SGCZ: variants seen among roughly 807,000 people sequenced by gnomAD.
The protein encoded by SGCZ is sarcoglycan zeta, also known as zeta-sarcoglycan.
A neutral mutation model predicts 41.3 loss-of-function variants in SGCZ; 40 were observed. The observed-to-expected ratio is 0.97, with a 90% CI of 0.75 to 1.26. The LOEUF (loss-of-function observed/expected upper bound fraction) is 1.26, where lower values mean the gene tolerates loss of function less well. SGCZ is among the 50% of genes most tolerant of loss of function. The probability of loss-of-function intolerance (pLI) is 0.00; values close to 1 mark genes in which losing one functional copy is unlikely to be tolerated. For synonymous variants in SGCZ, 206 were observed against 137.5 expected (o/e 1.50, Z -3.49); for missense variants, 552 against 369.8 (o/e 1.49, Z -4.04).
At chr8:14,370,690 A>C (rs1803878309) in intron 2 of SGCZ, among the ~76,000 whole-genome samples, 1 of 151,966 alleles carries the variant, frequency 6.6e-6, no homozygotes, top group Non-Finnish European at 1.5e-5. Flanking sequence ...GCTATTAAGC[A>C]TACTAGTTAC....
intron 2 of SGCZ, among the ~76,000 whole-genome samples, chr8:14,356,237 T>G (rs550807750): frequency 2.0e-5 from 3 of 152,298 alleles, no homozygotes; most frequent in Admixed American, 6.5e-5. Context: ...AAATGCATTT[T>G]TGACAATGAT....
intron 2 of SGCZ, among the ~76,000 whole-genome samples, chr8:14,499,479 T>G (rs1010144303): frequency 1.3e-5 from 2 of 152,036 alleles, no homozygotes; most frequent in African/African-American, 4.8e-5. Context: ...TTGCTGAAAC[T>G]TAACTGTTGC....
chr8:14,371,976 A>T (rs1713828586), intron 2 of SGCZ, among the ~76,000 whole-genome samples: 3 of 152,108 alleles, frequency 2.0e-5, no homozygotes, highest in Non-Finnish European at 4.4e-5. Context: ...TAGAGAAGAA[A>T]ACAAAAGCTA....
chr8:14,256,771 A>C (rs1174113616), intron 3 of SGCZ, among the ~76,000 whole-genome samples: 1 of 152,176 alleles, frequency 6.6e-6, no homozygotes, highest in Non-Finnish European at 1.5e-5. Flanking sequence ...TCCACAACAC[A>C]AAATCTGAGT....
In SGCZ at chr8:14,164,624, T is replaced by C. The variant is rs765638300; in HGVS notation, c.503A>G (p.Asp168Gly). 2 of 1,613,640 alleles carry C rather than the reference T, an allele frequency of 1.2e-6. No homozygotes were observed. Among genetic ancestry groups the C allele is most frequent in the African/African-American group, 1.3e-5 (1 of 75,024 alleles). ...SEDGRVLFSADEDEITIGAEK... is the reference protein window; with the variant it reads ...SEDGRVLFSAGEDEITIGAEK... ...AGCCCCAATGGTAATCTCATCTTCATCTGCAGAAAACAGCACCCTGCCATC... is the reference window on the plus strand; with the variant it reads ...AGCCCCAATGGTAATCTCATCTTCACCTGCAGAAAACAGCACCCTGCCATC... Residue 168 changes from aspartate (D) to glycine (G), a missense_variant, in exon 5 of 8, where the codon GAT becomes GGT. By Grantham distance (94) the Asp-to-Gly change is moderately conservative (BLOSUM62 -1). Transcript: ENST00000382080.
chr8:14,369,766 A>AT, intron 2 of SGCZ, among the ~76,000 whole-genome samples: 1 of 152,002 alleles, frequency 6.6e-6, no homozygotes, highest in East Asian at 1.9e-4. Flanking sequence ...TATAAATACA[A>AT]TTTTTTCCTC....
At chr8:14,250,021 C>G (rs1455689522) in intron 3 of SGCZ, among the ~76,000 whole-genome samples, 1 of 152,186 alleles carries the variant, frequency 6.6e-6, no homozygotes, top group Non-Finnish European at 1.5e-5. Context: ...AATGTACATA[C>G]AAATCATCTG....
At chr8:14,434,669 T>C (rs1052962865) in intron 2 of SGCZ, among the ~76,000 whole-genome samples, 3 of 152,180 alleles carry the variant, frequency 2.0e-5, no homozygotes, top group Non-Finnish European at 4.4e-5. Flanking sequence ...GTATTCCTTG[T>C]AGGGGTCTTT....
intron 4 of SGCZ, among the ~76,000 whole-genome samples, chr8:14,225,025 T>G (rs1027313903): frequency 2.6e-5 from 4 of 152,150 alleles, no homozygotes; most frequent in Non-Finnish European, 2.9e-5. Flanking sequence ...GCCACATATC[T>G]TCTTTTTACA....
rs145755526 is a variant in SGCZ at position 14,276,206 on chromosome 8, G to C, written c.337-38527C>G. Among the ~76,000 whole-genome samples the C allele has an allele frequency of 3.8e-3, 580 of 152,234 alleles. 3 individuals are homozygous for C. The highest frequency in any genetic ancestry group is 0.013 in the African/African-American group (527 of 41,544). On this transcript the variant is annotated intron_variant, in intron 3 of 7. Transcript: ENST00000382080. ...GAAATTATTTTGTCATGCTTCTTTT[G>C]CAAGTCCTGTATGGCAGTTTCACAT...
chr8:14,583,805 A>G (rs17250357), intron 1 of SGCZ, among the ~76,000 whole-genome samples: 26,509 of 147,274 alleles, frequency 0.18, 2,825 homozygotes, highest in Admixed American at 0.26. Flanking sequence ...AATTTTATTC[A>G]AAATAATTTA....
At chr8:14,429,707 G>C (rs571142330) in intron 2 of SGCZ, among the ~76,000 whole-genome samples, 30 of 152,058 alleles carry the variant, frequency 2.0e-4, no homozygotes, top group Non-Finnish European at 2.9e-4. Context: ...TAGAAGAAGA[G>C]GACAAAACAC....
chr8:15,164,359 C>T (rs1272222103), intron 1 of SGCZ, among the ~76,000 whole-genome samples: 1 of 152,000 alleles, frequency 6.6e-6, no homozygotes, highest in Admixed American at 6.5e-5. Flanking sequence ...AGCTCCCAGC[C>T]GCTCCCCACT....
chr8:14,168,936 C>T (rs112878830), intron 4 of SGCZ, among the ~76,000 whole-genome samples: 15 of 152,212 alleles, frequency 9.9e-5, no homozygotes, highest in African/African-American at 3.6e-4. Context: ...TTAATTTAAT[C>T]CTCATAACAA....
intron 1 of SGCZ, among the ~76,000 whole-genome samples, chr8:15,172,303 A>G (rs1393590818): frequency 6.7e-6 from 1 of 150,102 alleles, no homozygotes; most frequent in Non-Finnish European, 1.5e-5. Context: ...CTGGGACTAC[A>G]GGCGCGCGCC....
chr8:15,076,920 A>T (rs956312348), intron 1 of SGCZ, among the ~76,000 whole-genome samples: 1 of 152,186 alleles, frequency 6.6e-6, no homozygotes, highest in African/African-American at 2.4e-5. Context: ...ACCTTCATAG[A>T]ATATGCTTCA....
chr8:14,746,908 C>T (rs1462774675), intron 1 of SGCZ, among the ~76,000 whole-genome samples: 2 of 152,124 alleles, frequency 1.3e-5, no homozygotes, highest in African/African-American at 2.4e-5. Context: ...TCCAATGCTC[C>T]ACTGTGATTT....
intron 1 of SGCZ, among the ~76,000 whole-genome samples, chr8:15,194,636 T>C (rs1482601330): frequency 2.0e-5 from 3 of 151,926 alleles, no homozygotes; most frequent in Admixed American, 2.0e-4. Context: ...AGGATGGAAG[T>C]AGAGATAAGA....
chr8:14,619,298 T>A (rs1324572180), intron 1 of SGCZ, among the ~76,000 whole-genome samples: 2 of 152,076 alleles, frequency 1.3e-5, no homozygotes. Context: ...CTCAAAATAA[T>A]AAGAGCTATC....
Sources: gnomAD v4.1 joint callset for allele counts (sites outside exome capture counted in the v4.1 genomes callset) on GRCh38, gnomAD v4.1.1 for gene constraint, MANE v1.5 for transcripts, NCBI Gene and HGNC (gene_info 2026-07-23, HGNC 2026-07-21) for gene names.